FAAP20: variants seen among roughly 807,000 people sequenced by gnomAD.
FAAP20 encodes FA core complex associated protein 20, also known as Fanconi anemia core complex-associated protein 20.
Under a neutral mutation model 16.2 loss-of-function variants are expected in FAAP20, and 12 were observed. The ratio of observed to expected loss-of-function variants is 0.74; its 90% CI spans 0.48 to 1.20. The LOEUF is 1.20. FAAP20 is among the 50% of genes most tolerant of loss of function. The probability of loss-of-function intolerance (pLI) is 0.00; values close to 1 mark genes in which losing one functional copy is unlikely to be tolerated. For missense variants in FAAP20, 288 were observed against 245.8 expected, an observed-to-expected ratio of 1.17 and a Z score of -1.15; for synonymous variants, 141 against 110.7, an observed-to-expected ratio of 1.27 and a Z score of -1.72.
downstream of FAAP20, among the ~76,000 whole-genome samples, chr1:2,208,281 T>G (rs1324824484): frequency 6.6e-6 from 1 of 152,078 alleles, no homozygotes; most frequent in African/African-American, 2.4e-5. Flanking sequence ...CTCTCAGCCC[T>G]GCCTCCCTGC....
downstream of FAAP20, among the ~76,000 whole-genome samples, chr1:2,187,798 G>C (rs1368848647): frequency 6.6e-6 from 1 of 152,260 alleles, no homozygotes; most frequent in South Asian, 2.1e-4. Context: ...TTCCCGCCCA[G>C]CTCGCCCAGG....
chr1:2,188,543 C>A (rs1192410166), downstream of FAAP20, among the ~76,000 whole-genome samples: 1 of 152,208 alleles, frequency 6.6e-6, no homozygotes, highest in Non-Finnish European at 1.5e-5. Context: ...TTATGGGGCA[C>A]TAATCCCATC....
At chr1:2,206,951 T>C (rs530833941) in intron 1 of FAAP20, among the ~76,000 whole-genome samples, 5 of 152,106 alleles carry the variant, frequency 3.3e-5, no homozygotes, top group African/African-American at 1.2e-4. Flanking sequence ...ATCGGTGACC[T>C]GCACTCTGTC....
upstream of FAAP20, chr1:2,203,574 G>A: frequency 1.0e-6 from 1 of 986,106 alleles, no homozygotes; most frequent in Non-Finnish European, 1.2e-6. Context: ...CTGGGGTGGA[G>A]CTGGGGCAGG....
rs1456060777 is a variant in FAAP20 at position 2,193,619 on chromosome 1, C to A, written c.470+20G>T. The A allele has an allele frequency of 6.3e-7, 1 of 1,586,484 alleles. No individual in the cohort carries two copies. The highest frequency in any genetic ancestry group is 8.5e-7 in the Non-Finnish European group (1 of 1,174,114). ...AACACGGATGGATAACCGGGCCGGG[C>A]GCAGGGGTGGCCTACTCACCTGGGG... On this transcript the variant is annotated intron_variant, in intron 3 of 3. Coordinates refer to ENST00000378546, the MANE Select transcript of FAAP20 (RefSeq NM_182533.4).
At chr1:2,207,898 T>C (rs1042559595), downstream of FAAP20, among the ~76,000 whole-genome samples, 7 of 149,240 alleles carry the variant, frequency 4.7e-5, no homozygotes, top group Admixed American at 4.0e-4. Flanking sequence ...CGGGGCCGTT[T>C]TGGTAACACC....
At chr1:2,200,965 T>C (rs1474227693), upstream of FAAP20, 6 of 1,219,708 alleles carry the variant, frequency 4.9e-6, no homozygotes, top group African/African-American at 1.6e-5. Context: ...CACGTTTTTA[T>C]GGGAAATCTG....
At chr1:2,190,829 C>T (rs142906639) in intron 3 of FAAP20, 89 of 232,226 alleles carry the variant, frequency 3.8e-4, no homozygotes, top group Non-Finnish European at 5.9e-4. Flanking sequence ...CACCGCCCCT[C>T]GCTCCCCTAC....
upstream of FAAP20, among the ~76,000 whole-genome samples, chr1:2,204,392 G>A (rs1471248808): frequency 4.6e-5 from 7 of 152,234 alleles, no homozygotes; most frequent in South Asian, 2.1e-4. Flanking sequence ...ACGTGCCCTG[G>A]GGACGGTCAG....
intron 1 of FAAP20, 181 bp from the exon 2 acceptor site, chr1:2,194,314 A>T: frequency 6.0e-5 from 3 of 49,934 alleles, no homozygotes; most frequent in African/African-American, 1.6e-4. Context: ...CAGTGCGGAG[A>T]TGAGGGGTAC....
At chr1:2,211,222 C>T (rs994110435), downstream of FAAP20, among the ~76,000 whole-genome samples, 20 of 132,746 alleles carry the variant, frequency 1.5e-4, no homozygotes, top group African/African-American at 5.6e-4. Flanking sequence ...CTTTTTCTTT[C>T]TTTCTTTTTT....
upstream of FAAP20, chr1:2,198,541 C>T (rs150387096): frequency 3.0e-4 from 188 of 630,334 alleles, 3 homozygotes; most frequent in East Asian, 0.013. Context: ...CTGCCCAGCG[C>T]TGACACCCTG....
chr1:2,212,708 G>C, upstream of FAAP20: 1 of 290,850 alleles, frequency 3.4e-6, no homozygotes, highest in South Asian at 2.9e-5. Flanking sequence ...TGAAAAGCGA[G>C]GCATCCATGT....
chr1:2,193,933 C>G, intron 2 of FAAP20, 23 bp from the exon 3 acceptor site: 1 of 1,612,332 alleles, frequency 6.2e-7, no homozygotes. Flanking sequence ...GTTGTTGGGC[C>G]TTGCCCAGCG....
downstream of FAAP20, chr1:2,186,951 T>G (rs946321767): frequency 2.2e-5 from 6 of 271,924 alleles, no homozygotes; most frequent in Admixed American, 1.0e-4. Context: ...TTCAGTAATT[T>G]GTTTTATAAA....
At chr1:2,209,699 G>C (rs752211023), downstream of FAAP20, among the ~76,000 whole-genome samples, 12 of 152,226 alleles carry the variant, frequency 7.9e-5, no homozygotes, top group Non-Finnish European at 1.5e-4. Flanking sequence ...GGGCTGCTTG[G>C]TGCTGGTGGC....
chr1:2,188,794 A>G (rs1377864998), downstream of FAAP20, among the ~76,000 whole-genome samples: 1 of 150,000 alleles, frequency 6.7e-6, no homozygotes, highest in East Asian at 2.0e-4. Flanking sequence ...TCACGAGGTC[A>G]GGAGATCAAG....
upstream of FAAP20, among the ~76,000 whole-genome samples, chr1:2,204,869 G>A (rs2100749886): frequency 1.3e-5 from 2 of 149,322 alleles, no homozygotes; most frequent in Middle Eastern, 3.6e-3. Flanking sequence ...CCCTCCTCCC[G>A]GGCACCTCCC....
At chr1:2,184,723 C>G, downstream of FAAP20, 2 of 1,597,078 alleles carry the variant, frequency 1.3e-6, no homozygotes, top group Non-Finnish European at 1.7e-6. Context: ...GTGCGGGTCC[C>G]TGGAGCACCC....
Sources: allele counts gnomAD v4.1 joint callset (sites outside exome capture counted in the v4.1 genomes callset), GRCh38; gene constraint gnomAD v4.1.1; transcripts MANE v1.5; gene names NCBI Gene and HGNC (gene_info 2026-07-23, HGNC 2026-07-21).